The following PUS7 variants were observed in gnomAD, a reference collection of about 807,000 sequenced individuals.
PUS7 encodes pseudouridine synthase 7.
In PUS7, 48 loss-of-function variants were observed where a neutral mutation model predicts 79.8. That is an observed-to-expected ratio of 0.60 (90% CI 0.48 to 0.76). The LOEUF is 0.76. Ranked by LOEUF, PUS7 falls within the 30% of genes least tolerant of loss-of-function variation. The probability of loss-of-function intolerance (pLI) is 0.00; values close to 1 mark genes in which losing one functional copy is unlikely to be tolerated. For synonymous variants in PUS7, 286 were observed against 272.2 expected (o/e 1.05, Z -0.50); for missense variants, 729 against 797.6 (o/e 0.91, Z 1.04).
intron 1 of PUS7, among the ~76,000 whole-genome samples, chr7:105,515,423 T>C (rs1249217529): frequency 6.6e-6 from 1 of 152,224 alleles, no homozygotes; most frequent in Admixed American, 6.6e-5. Flanking sequence ...GAATAATTTC[T>C]CTTTGTACTA....
intron 14 of PUS7, among the ~76,000 whole-genome samples, chr7:105,460,945 G>A (rs1276056276): frequency 1.3e-5 from 2 of 151,486 alleles, no homozygotes; most frequent in African/African-American, 4.9e-5. Flanking sequence ...ACAGCTTACT[G>A]CAGCCTCGAC....
intron 1 of PUS7, among the ~76,000 whole-genome samples, chr7:105,509,296 A>T (rs6956249): frequency 0.14 from 20,756 of 151,598 alleles, 1,851 homozygotes; most frequent in South Asian, 0.26. Flanking sequence ...TAATTCTTCC[A>T]GATGTTGGCA....
At chr7:105,486,044 T>G (rs545678137) in intron 7 of PUS7, among the ~76,000 whole-genome samples, 168 of 151,586 alleles carry the variant, frequency 1.1e-3, no homozygotes, top group Non-Finnish European at 1.2e-3. Flanking sequence ...TTCTTTTTTT[T>G]TTTTGTTTTG....
intron 4 of PUS7, among the ~76,000 whole-genome samples, chr7:105,504,619 T>C (rs112008051): frequency 4.3e-3 from 653 of 152,266 alleles, no homozygotes; most frequent in Non-Finnish European, 7.0e-3. Flanking sequence ...TTTCAGTAGA[T>C]AGGAAAACCT....
chr7:105,485,224 T>G (rs1222207832), intron 7 of PUS7, among the ~76,000 whole-genome samples: 1 of 152,026 alleles, frequency 6.6e-6, no homozygotes, highest in East Asian at 1.9e-4. Flanking sequence ...TCGTCGTTGT[T>G]TTTTGAGATG....
intron 1 of PUS7, among the ~76,000 whole-genome samples, chr7:105,514,692 G>A (rs1376120860): frequency 6.6e-6 from 1 of 152,208 alleles, no homozygotes. Context: ...TGAGAGAGAT[G>A]TGACTATGAT....
At chr7:105,505,003 A>ATT (rs112752687) in intron 4 of PUS7, among the ~76,000 whole-genome samples, 7 of 142,648 alleles carry the variant, frequency 4.9e-5, no homozygotes, top group Non-Finnish European at 7.7e-5. Flanking sequence ...ATTTAACATA[A>ATT]TTTTTTTTTT....
intron 1 of PUS7, among the ~76,000 whole-genome samples, chr7:105,513,574 C>T (rs986387574): frequency 6.6e-6 from 1 of 151,982 alleles, no homozygotes; most frequent in Non-Finnish European, 1.5e-5. Context: ...AATCCCAGCA[C>T]TTTGGGAGGC....
At chr7:105,491,429 C>A in intron 7 of PUS7, 111 bp downstream of exon 7, 6 of 530,596 alleles carry the variant, frequency 1.1e-5, no homozygotes, top group South Asian at 8.5e-5. Flanking sequence ...TTTAAATAGG[C>A]AGAAGCACCA....
chr7:105,508,397 C>A lies in PUS7; in HGVS notation c.116G>T (p.Ser39Ile), dbSNP rs752086181. 15 of 1,614,034 alleles carry A rather than the reference C, an allele frequency of 9.3e-6. No homozygotes were observed. The East Asian group carries it at 2.5e-4, about 26-fold the overall frequency. ...TAGCCCATCTTGACCTTTGGTTAGACTGCATTCCGACAGCTTCTGTTTTTT... is the reference window on the plus strand; with the variant it reads ...TAGCCCATCTTGACCTTTGGTTAGAATGCATTCCGACAGCTTCTGTTTTTT... ...ETKKQKLSEC[S>I]LTKGQDGLQN... The change falls in exon 2 of 16, where the codon AGT becomes ATT. Residue 39 changes from serine (S) to isoleucine (I), a missense_variant. Physicochemically the swap from Ser to Ile is moderately radical, Grantham distance 142. Coordinates refer to ENST00000469408, the MANE Select transcript of PUS7 (RefSeq NM_019042.5).
chr7:105,495,017 T>C, intron 6 of PUS7, 125 bp downstream of exon 6: 1 of 478,752 alleles, frequency 2.1e-6, no homozygotes, highest in Non-Finnish European at 3.8e-6. Flanking sequence ...AAGAAAACTA[T>C]CATTGGGAGG....
intron 3 of PUS7, 51 bp from the exon 4 acceptor site, chr7:105,506,107 T>C (rs1254205988): frequency 4.4e-6 from 7 of 1,573,856 alleles, no homozygotes; most frequent in Non-Finnish European, 6.1e-6. Context: ...GAATTCAAGT[T>C]TAATAAAGCT....
intron 4 of PUS7, among the ~76,000 whole-genome samples, chr7:105,504,627 C>T (rs1825384000): frequency 6.6e-6 from 1 of 152,074 alleles, no homozygotes; most frequent in Non-Finnish European, 1.5e-5. Flanking sequence ...GATAGGAAAA[C>T]CTCAGTTTTT....
chr7:105,470,925 G>T (rs1323077017), intron 10 of PUS7, 77 bp from the exon 11 acceptor site: 3 of 1,401,838 alleles, frequency 2.1e-6, no homozygotes, highest in Admixed American at 5.2e-5. Context: ...ACTTCACAGA[G>T]AACACAAAAT....
chr7:105,458,230 G>T (rs1228806934), intron 15 of PUS7, among the ~76,000 whole-genome samples: 2 of 152,152 alleles, frequency 1.3e-5, no homozygotes, highest in Non-Finnish European at 2.9e-5. Flanking sequence ...AACAGAACAA[G>T]AATTTGATGA....
chr7:105,470,910 A>G (rs755705081), intron 10 of PUS7, 62 bp from the exon 11 acceptor site: 7 of 1,461,550 alleles, frequency 4.8e-6, no homozygotes, highest in Non-Finnish European at 6.4e-6. Flanking sequence ...CATAACTTAA[A>G]GTACACTTCA....
chr7:105,480,828 G>C (rs1824291299), intron 9 of PUS7, among the ~76,000 whole-genome samples: 1 of 151,892 alleles, frequency 6.6e-6, no homozygotes, highest in African/African-American at 2.4e-5. Flanking sequence ...AGAACCCCTG[G>C]ATGGGTAACC....
At position 105,462,429 on chromosome 7, in the gene PUS7, TCAAAAAAAAAC is replaced by T. The variant is rs1016207303; in HGVS notation, c.1757+181_1757+191del. The T allele has an allele frequency of 4.6e-5, 26 of 562,032 alleles. No individual in the cohort carries two copies. In the Middle Eastern group the frequency reaches 1.9e-3, roughly 42 times the overall value. The allele number at this position is 562,032 out of a possible 1,614,324, so 34.8% of individuals were successfully genotyped here. A position where few individuals can be genotyped will look rare whatever the true frequency, so the allele number is the denominator to read the frequency against. Reference sequence around the variant, plus strand: ...CCTGGGTGACTAGTGAAACTCCGTCTCAAAAAAAAACCAAAAAAAAAACAAAAGGTAAGTAA... The same window carrying T: ...CCTGGGTGACTAGTGAAACTCCGTCTCAAAAAAAAAACAAAAGGTAAGTAA... On this transcript the variant is annotated intron_variant, in intron 14 of 15. Coordinates refer to ENST00000469408, the MANE Select transcript of PUS7 (RefSeq NM_019042.5).
intron 1 of PUS7, among the ~76,000 whole-genome samples, chr7:105,511,089 T>C (rs1193213768): frequency 1.4e-5 from 2 of 140,702 alleles, no homozygotes; most frequent in Admixed American, 1.4e-4. Context: ...TGGAGTGCAG[T>C]GGCACGATCT....
Sources: allele counts gnomAD v4.1 joint callset (sites outside exome capture counted in the v4.1 genomes callset), GRCh38; gene constraint gnomAD v4.1.1; transcripts MANE v1.5; gene names NCBI Gene and HGNC (gene_info 2026-07-23, HGNC 2026-07-21).